The following RIT2 variants were observed in gnomAD, a reference collection of about 807,000 sequenced individuals.
RIT2 encodes GTP-binding protein Rit2.
Under a neutral mutation model 23.7 loss-of-function variants are expected in RIT2, and 24 were observed. The ratio of observed to expected loss-of-function variants is 1.01; its 90% CI spans 0.73 to 1.43. The LOEUF (loss-of-function observed/expected upper bound fraction) is 1.43, where lower values mean the gene tolerates loss of function less well. Ranked by LOEUF, RIT2 falls within the 40% of genes most tolerant of loss-of-function variation. The pLI is 0.00. For synonymous variants in RIT2, 107 were observed against 91.1 expected (o/e 1.17, Z -0.99); for missense variants, 236 against 266.9 (o/e 0.88, Z 0.81).
At chr18:43,113,273 C>A (rs768886162) in intron 1 of RIT2, among the ~76,000 whole-genome samples, 2 of 152,148 alleles carry the variant, frequency 1.3e-5, no homozygotes, top group Non-Finnish European at 2.9e-5. Flanking sequence ...ATAAGGACAG[C>A]ATTTTCCAGG....
At chr18:42,856,301 A>G (rs535631462) in intron 4 of RIT2, among the ~76,000 whole-genome samples, 1 of 152,354 alleles carries the variant, frequency 6.6e-6, no homozygotes, top group South Asian at 2.1e-4. Context: ...TTGCATACTC[A>G]GAGAGGCCAA....
intron 2 of RIT2, among the ~76,000 whole-genome samples, chr18:42,977,828 G>A (rs1296426996): frequency 6.8e-6 from 1 of 147,962 alleles, no homozygotes; most frequent in African/African-American, 2.5e-5. Context: ...GCTCCATCTA[G>A]TATGATTTTA....
At chr18:42,749,513 C>T (rs968668523) in intron 4 of RIT2, among the ~76,000 whole-genome samples, 9 of 151,444 alleles carry the variant, frequency 5.9e-5, no homozygotes, top group South Asian at 2.1e-4. Flanking sequence ...ATGGAGAAGA[C>T]GAAATCAAAC....
rs576005752 is a variant in RIT2 at position 42,920,783 on chromosome 18, T to C, written c.426+2789A>G. 30 of 1,541,674 alleles carry C rather than the reference T, an allele frequency of 1.9e-5. No individual in the cohort carries two copies. In the South Asian group the frequency reaches 3.2e-4, roughly 17 times the overall value. ...AGGCTGATAAGGAATAAGAATTGCT[T>C]AGTGAGAATCCTACTCCTTTGCCTC... On this transcript the variant is annotated intron_variant, in intron 4 of 4. Transcript: ENST00000326695.
intron 4 of RIT2, among the ~76,000 whole-genome samples, chr18:42,801,533 G>A (rs1252293678): frequency 6.6e-6 from 1 of 152,120 alleles, no homozygotes; most frequent in Non-Finnish European, 1.5e-5. Context: ...CTAAAACACT[G>A]CAGTGATTTT....
At chr18:42,945,941 T>C (rs1909717988) in intron 3 of RIT2, among the ~76,000 whole-genome samples, 1 of 152,122 alleles carries the variant, frequency 6.6e-6, no homozygotes, top group Non-Finnish European at 1.5e-5. Flanking sequence ...ATAAATGGTG[T>C]TGGTTGAAGA....
At chr18:42,794,186 CCTGCAGGGTGCT>C (rs1473104591) in intron 4 of RIT2, among the ~76,000 whole-genome samples, 1 of 152,090 alleles carries the variant, frequency 6.6e-6, no homozygotes, top group Non-Finnish European at 1.5e-5. Context: ...TCCAGAGTGC[CCTGCAGGGTGCT>C]AGGCCACACG....
intron 3 of RIT2, among the ~76,000 whole-genome samples, chr18:42,968,508 G>C (rs1910290027): frequency 6.6e-6 from 1 of 152,138 alleles, no homozygotes; most frequent in Non-Finnish European, 1.5e-5. Context: ...GGTATGCTTA[G>C]TTCTATCAGT....
At chr18:43,049,852 T>G (rs1912333982) in intron 1 of RIT2, among the ~76,000 whole-genome samples, 4 of 151,742 alleles carry the variant, frequency 2.6e-5, no homozygotes, top group Admixed American at 1.3e-4. Flanking sequence ...GGATGTAAGG[T>G]GTACAGCTTG....
At chr18:42,878,801 G>A (rs1907812212) in intron 4 of RIT2, among the ~76,000 whole-genome samples, 1 of 151,668 alleles carries the variant, frequency 6.6e-6, no homozygotes, top group African/African-American at 2.4e-5. Flanking sequence ...TTTCTCTATG[G>A]AAGGTGAGAA....
At chr18:42,976,396 A>C (rs190494345) in intron 2 of RIT2, among the ~76,000 whole-genome samples, 369 of 152,238 alleles carry the variant, frequency 2.4e-3, no homozygotes, top group Non-Finnish European at 4.3e-3. Flanking sequence ...TGTAAGAGAT[A>C]AATAAGATTA....
chr18:43,025,024 A>G (rs932899430), intron 2 of RIT2, among the ~76,000 whole-genome samples: 3 of 152,012 alleles, frequency 2.0e-5, no homozygotes, highest in Non-Finnish European at 4.4e-5. Context: ...TCTGGCCAAC[A>G]TGGCGAAACC....
chr18:42,866,889 T>C (rs1186433626), intron 4 of RIT2, among the ~76,000 whole-genome samples: 2 of 152,188 alleles, frequency 1.3e-5, no homozygotes, highest in Non-Finnish European at 2.9e-5. Context: ...ATTTCTTACA[T>C]GGCTTTTGTT....
intron 1 of RIT2, among the ~76,000 whole-genome samples, chr18:43,110,463 G>A (rs1913928132): frequency 6.6e-6 from 1 of 152,092 alleles, no homozygotes; most frequent in South Asian, 2.1e-4. Context: ...CTGGCATTGA[G>A]GAACGGCCTT....
intron 2 of RIT2, among the ~76,000 whole-genome samples, chr18:43,005,482 G>A (rs1031665384): frequency 5.3e-5 from 8 of 151,720 alleles, no homozygotes; most frequent in African/African-American, 1.2e-4. Context: ...AACAACAAAT[G>A]CACATCTATT....
At chr18:43,075,487 G>C (rs992688954) in intron 1 of RIT2, among the ~76,000 whole-genome samples, 1 of 152,032 alleles carries the variant, frequency 6.6e-6, no homozygotes, top group South Asian at 2.1e-4. Context: ...GAGAGGCTTC[G>C]ATACAACCAG....
intron 4 of RIT2, among the ~76,000 whole-genome samples, chr18:42,896,817 C>T (rs928845651): frequency 1.3e-5 from 2 of 152,168 alleles, no homozygotes; most frequent in Non-Finnish European, 2.9e-5. Context: ...TGAATACAAT[C>T]ATAGAGTGAG....
intron 3 of RIT2, among the ~76,000 whole-genome samples, chr18:42,958,649 G>T (rs144992470): frequency 1.3e-3 from 195 of 152,198 alleles, no homozygotes; most frequent in African/African-American, 4.5e-3. Flanking sequence ...ATACTAAAAC[G>T]TCAGACCATG....
At chr18:42,934,929 T>C (rs1909414706) in intron 3 of RIT2, among the ~76,000 whole-genome samples, 1 of 151,982 alleles carries the variant, frequency 6.6e-6, no homozygotes, top group Non-Finnish European at 1.5e-5. Context: ...GAAAACAAAA[T>C]GATGGTAACA....
Sources: allele counts gnomAD v4.1 joint callset (sites outside exome capture counted in the v4.1 genomes callset), GRCh38; gene constraint gnomAD v4.1.1; transcripts MANE v1.5; gene names NCBI Gene and HGNC (gene_info 2026-07-23, HGNC 2026-07-21).